Variants in C20orf203 observed in about 807,000 individuals in gnomAD.
C20orf203 encodes the protein uncharacterized protein C20orf203.
A neutral mutation model predicts 15.9 loss-of-function variants in C20orf203; 16 were observed. The observed-to-expected ratio is 1.01, with a 90% CI of 0.68 to 1.53. The LOEUF is 1.53. C20orf203 is among the 40% of genes most tolerant of loss of function. C20orf203 has a pLI of 0.00. For synonymous variants in C20orf203, 98 were observed against 97.2 expected (o/e 1.01, Z -0.05); for missense variants, 263 against 247.5 (o/e 1.06, Z -0.42).
chr20:32,650,553 A>C lies in C20orf203; in HGVS notation c.464T>G (p.Leu155Arg). 1 of 1,549,412 alleles carries C rather than the reference A, an allele frequency of 6.5e-7. No individual in the cohort carries two copies. Among genetic ancestry groups the C allele is most frequent in the Non-Finnish European group, 8.7e-7 (1 of 1,145,868 alleles). Residue 155 changes from leucine to arginine, a missense_variant, in exon 4 of 6, where the codon CTG (leucine) becomes CGG (arginine). Leu to Arg is a moderately radical substitution (Grantham distance 102, BLOSUM62 -2). Transcript: ENST00000608990. ...CTGGAAACATGTTGAGGTCCAGGCC[A>C]GCGAGGACAGAGCTTGGCCAAAGTC... ...VGDFGQALSS[L>R]AWTSTCFQDF...
chr20:32,639,242 A>C (rs1982215579), intron 5 of C20orf203, among the ~76,000 whole-genome samples: 1 of 152,194 alleles, frequency 6.6e-6, no homozygotes, highest in African/African-American at 2.4e-5. Flanking sequence ...TTGCTCTTTG[A>C]GATATGGGAA....
chr20:32,641,903 T>C (rs747659533), intron 4 of C20orf203, among the ~76,000 whole-genome samples: 1 of 152,204 alleles, frequency 6.6e-6, no homozygotes, highest in Non-Finnish European at 1.5e-5. Flanking sequence ...AGTGACACGA[T>C]CTCGGCTCAG....
rs535183688 is a variant in C20orf203, at chr20:32,673,758, T to C, written c.-390A>G. The C allele has an allele frequency of 6.6e-6, 1 of 152,366 alleles. No individual in the cohort carries two copies. Among genetic ancestry groups the C allele is most frequent in the African/African-American group, 2.4e-5 (1 of 41,574 alleles). 9.4% of individuals were successfully genotyped at this position (152,366 alleles called of 1,614,324 possible). The stretch of plus-strand genomic sequence containing the variant: ...AAAACATATCTGCCTTTGCTCACTG[T>C]GATGTCTCCGACGCAAAGCAGAGAG... On this transcript the variant is annotated 5_prime_UTR_variant, in exon 1 of 6. Transcript: ENST00000608990.
intron 1 of C20orf203, among the ~76,000 whole-genome samples, chr20:32,662,928 T>TAGATAG (rs1555817817): frequency 5.6e-5 from 8 of 141,924 alleles, no homozygotes; most frequent in African/African-American, 2.1e-4. Flanking sequence ...GATATATATA[T>TAGATAG]ATAGATAGAT....
chr20:32,673,633 T>A lies in C20orf203; in HGVS notation c.-265A>T, dbSNP rs1983226975. ...ACAGACAGGCTGCATTCCACCCACC[T>A]GCAGGCTCCTCTGCCCGGCATTCAT... On this transcript the variant is annotated splice_region_variant and 5_prime_UTR_variant, in exon 1 of 6. The change creates a premature stop within an existing upstream ORF in the 5' untranslated region. Coordinates refer to ENST00000608990, the MANE Select transcript of C20orf203 (RefSeq NM_182584.4). 6.6e-6 allele frequency: 1 copy of A among 152,506 alleles called. No homozygotes were observed. The highest frequency in any genetic ancestry group is 2.4e-5 in the African/African-American group (1 of 41,460). The allele number at this position is 152,506 out of a possible 1,614,324, so 9.4% of individuals were successfully genotyped here.
At chr20:32,665,153 C>A (rs371517620) in intron 1 of C20orf203, among the ~76,000 whole-genome samples, 2 of 152,236 alleles carry the variant, frequency 1.3e-5, no homozygotes, top group Non-Finnish European at 2.9e-5. Flanking sequence ...TAGGACCACG[C>A]AAGGCCCAAA....
At position 32,643,625 on chromosome 20, in the gene C20orf203, CCACACACACACA is replaced by C. The variant is rs56325748; in HGVS notation, c.*1178-2950_*1178-2939del. Among the ~76,000 whole-genome samples the C allele has an allele frequency of 5.0e-3, 706 of 140,838 alleles. 8 individuals carry two copies. The highest frequency in any genetic ancestry group is 0.015 in the African/African-American group (580 of 37,424). 92.4% of individuals were successfully genotyped at this position (140,838 alleles called of 152,430 possible). On this transcript the variant is annotated intron_variant, in intron 4 of 5. Transcript: ENST00000608990. ...GTGTAGACCCAGCCGCTTCCTGGAACCACACACACACACACACACACACACACACACACACAC... is the reference window on the plus strand; with the variant it reads ...GTGTAGACCCAGCCGCTTCCTGGAACCACACACACACACACACACACACAC...
At chr20:32,665,015 C>T (rs926507530) in intron 1 of C20orf203, among the ~76,000 whole-genome samples, 1 of 152,234 alleles carries the variant, frequency 6.6e-6, no homozygotes, top group Non-Finnish European at 1.5e-5. Context: ...AGTGTTTACC[C>T]AGGACCCCGC....
chr20:32,668,164 G>T (rs1983079089), intron 1 of C20orf203, among the ~76,000 whole-genome samples: 1 of 152,156 alleles, frequency 6.6e-6, no homozygotes, highest in Non-Finnish European at 1.5e-5. Flanking sequence ...ACTGGGAGGG[G>T]TAAATGGGTC....
chr20:32,634,386 G>A (rs1185284371), intron 5 of C20orf203, 116 bp from the exon 6 acceptor site: 1 of 395,298 alleles, frequency 2.5e-6, no homozygotes, highest in Non-Finnish European at 4.5e-6. Context: ...AGTGCACGTT[G>A]TTCCTTACAG....
chr20:32,664,406 G>A (rs996511702), intron 1 of C20orf203, among the ~76,000 whole-genome samples: 28 of 152,186 alleles, frequency 1.8e-4, no homozygotes, highest in African/African-American at 4.6e-4. Flanking sequence ...AGAGCCAGCC[G>A]TAGAGTTGGG....
intron 4 of C20orf203, among the ~76,000 whole-genome samples, chr20:32,648,612 T>TG (rs200979799): frequency 0.026 from 3,732 of 143,776 alleles, 88 homozygotes; most frequent in African/African-American, 0.04. Flanking sequence ...GGCTAATTTT[T>TG]TTTTTTTGTG....
At chr20:32,667,324 C>T (rs1019967274) in intron 1 of C20orf203, among the ~76,000 whole-genome samples, 2 of 152,140 alleles carry the variant, frequency 1.3e-5, no homozygotes, top group African/African-American at 2.4e-5. Flanking sequence ...TGGAGGGCTT[C>T]GGAGCAGGTG....
At chr20:32,641,762 C>CT (rs1982287140) in intron 4 of C20orf203, among the ~76,000 whole-genome samples, 1 of 152,178 alleles carries the variant, frequency 6.6e-6, no homozygotes, top group African/African-American at 2.4e-5. Flanking sequence ...ATTTATACAT[C>CT]TTTTTTGGAG....
intron 5 of C20orf203, among the ~76,000 whole-genome samples, chr20:32,637,353 C>T (rs1430183881): frequency 6.6e-6 from 1 of 152,112 alleles, no homozygotes; most frequent in Non-Finnish European, 1.5e-5. Flanking sequence ...GAGGAGGTTG[C>T]AGGGAGCCAA....
At chr20:32,647,915 T>G (rs538015138) in intron 4 of C20orf203, among the ~76,000 whole-genome samples, 14 of 152,090 alleles carry the variant, frequency 9.2e-5, no homozygotes, top group African/African-American at 3.4e-4. Context: ...GCTCAGAGGG[T>G]GTCAGGTCCC....
At chr20:32,659,059 T>C (rs181116571) in intron 1 of C20orf203, among the ~76,000 whole-genome samples, 2 of 152,174 alleles carry the variant, frequency 1.3e-5, no homozygotes, top group African/African-American at 4.8e-5. Flanking sequence ...GTATTTTTAG[T>C]AGAGATGGGG....
At chr20:32,644,426 C>T (rs1454505349) in intron 4 of C20orf203, among the ~76,000 whole-genome samples, 16 of 152,030 alleles carry the variant, frequency 1.1e-4, no homozygotes, top group Non-Finnish European at 1.3e-4. Flanking sequence ...CCAGCCTGGG[C>T]GACAGAGCGA....
chr20:32,672,204 C>T (rs998063702), intron 1 of C20orf203, among the ~76,000 whole-genome samples: 3 of 151,214 alleles, frequency 2.0e-5, no homozygotes, highest in Non-Finnish European at 4.4e-5. Flanking sequence ...GTAGCTATTA[C>T]AGTAGCTAGC....
Sources: gnomAD v4.1 joint callset for allele counts (sites outside exome capture counted in the v4.1 genomes callset) on GRCh38, gnomAD v4.1.1 for gene constraint, MANE v1.5 for transcripts, NCBI Gene and HGNC (gene_info 2026-07-23, HGNC 2026-07-21) for gene names.